The following DNAH14 variants were observed in gnomAD, a reference collection of about 807,000 sequenced individuals.
The protein encoded by DNAH14 is dynein axonemal heavy chain 14, also known as axonemal beta dynein heavy chain 14.
A neutral mutation model predicts 520.9 loss-of-function variants in DNAH14; 478 were observed. That is an observed-to-expected ratio of 0.92 (90% CI 0.85 to 0.99). The LOEUF (loss-of-function observed/expected upper bound fraction) is 0.99, where lower values mean the gene tolerates loss of function less well. Among genes scored for constraint, DNAH14 ranks in the 50% least tolerant of loss-of-function variants. The probability of loss-of-function intolerance (pLI) is 0.00; values close to 1 mark genes in which losing one functional copy is unlikely to be tolerated. For missense variants in DNAH14, 4,831 were observed against 5,234.5 expected (o/e 0.92, Z 2.38); for synonymous variants, 1,581 against 1,757.2 (o/e 0.90, Z 2.51).
chr1:225,354,393 T>G (rs1342668737), intron 73 of DNAH14: 1 of 630,054 alleles, frequency 1.6e-6, no homozygotes, highest in Admixed American at 2.4e-5. Context: ...AGCACCTCTA[T>G]TTCTCAATTG....
At chr1:225,043,276 GAA>G (rs10671374) in intron 13 of DNAH14, among the ~76,000 whole-genome samples, 162 bp downstream of exon 13, 4 of 98,166 alleles carry the variant, frequency 4.1e-5, no homozygotes, top group Non-Finnish European at 7.6e-5. Context: ...GTCTCTTGGG[GAA>G]AAAAAAAAAA....
chr1:225,234,945 G>A (rs1449378213), intron 42 of DNAH14, among the ~76,000 whole-genome samples: 3 of 152,096 alleles, frequency 2.0e-5, no homozygotes, highest in African/African-American at 7.2e-5. Flanking sequence ...AAGCTTTTGG[G>A]CTGAGATGAT....
At chr1:225,065,924 T>G (rs1390736848) in intron 17 of DNAH14, among the ~76,000 whole-genome samples, 1 of 152,106 alleles carries the variant, frequency 6.6e-6, no homozygotes, top group African/African-American at 2.4e-5. Context: ...TTTTAGTTTT[T>G]TGAGGAACCT....
chr1:225,028,489 C>T (rs984382004), intron 11 of DNAH14, among the ~76,000 whole-genome samples: 1 of 151,814 alleles, frequency 6.6e-6, no homozygotes, highest in Non-Finnish European at 1.5e-5. Context: ...TCTATCATTA[C>T]AGATTTTAGT....
intron 41 of DNAH14, among the ~76,000 whole-genome samples, chr1:225,215,343 G>A (rs2089146046): frequency 6.6e-6 from 1 of 152,116 alleles, no homozygotes; most frequent in Non-Finnish European, 1.5e-5. Flanking sequence ...GGTAAATTTT[G>A]GAATAAATGC....
intron 49 of DNAH14, among the ~76,000 whole-genome samples, chr1:225,267,994 G>A (rs2093180855): frequency 6.6e-6 from 1 of 152,068 alleles, no homozygotes; most frequent in South Asian, 2.1e-4. Flanking sequence ...ATAGGTCACA[G>A]TAGGTCTTTT....
At position 224,964,544 on chromosome 1, in the gene DNAH14, A is replaced by G. The variant is rs367728866; in HGVS notation, c.433A>G (p.Ile145Val). ...RLREKLGWQT[I>V]LPQHSLKYGS... ...ACGAGAAAAGCTTGGTTGGCAAACT[A>G]TATTACCGCAGCACAGTTTGAAATA... The change falls in exon 5 of 86, where the codon ATA (isoleucine) becomes GTA (valine). Residue 145 changes from isoleucine to valine, a missense_variant. Ile to Val is a conservative substitution (Grantham distance 29). Coordinates refer to ENST00000682510, the MANE Select transcript of DNAH14 (RefSeq NM_001367479.1). 2.5e-6 allele frequency: 4 copies of G among 1,610,618 alleles called. No homozygotes were observed. Among genetic ancestry groups the G allele is most frequent in the East Asian group, 2.2e-5 (1 of 44,710 alleles).
Position 225,335,099 on chromosome 1 carries a change from A to ATG in DNAH14, c.10080+1595_10080+1596dup, listed in dbSNP as rs556861846. Among the ~76,000 whole-genome samples the ATG allele has an allele frequency of 1.1e-3, 167 of 148,892 alleles. 1 individual carries two copies. Among genetic ancestry groups the ATG allele is most frequent in the African/African-American group, 4.1e-3 (165 of 40,662 alleles). Reference sequence around the variant, plus strand: ...CGTACATATGTACATATATACATATATGTATATATACATATATACATGTGT... The same window carrying ATG: ...CGTACATATGTACATATATACATATATGTGTATATATACATATATACATGTGT... On this transcript the variant is annotated intron_variant, in intron 66 of 85. Transcript: ENST00000682510.
rs752732306 is a variant in DNAH14 at position 225,078,859 on chromosome 1, CCTCTCTCTCTCT to C, written c.2425-320_2425-309del. On this transcript the variant is annotated intron_variant, in intron 17 of 85. Coordinates refer to ENST00000682510, the MANE Select transcript of DNAH14 (RefSeq NM_001367479.1). ...CTCTCTCTCCCTCTCTCTCTCTCTC[CCTCTCTCTCTCT>C]CTCTCTCTCTCTCTCTCTCTCTCTC... Among the ~76,000 whole-genome samples the C allele has an allele frequency of 4.9e-3, 93 of 18,996 alleles. 3 individuals are homozygous for C. Among genetic ancestry groups the C allele is most frequent in the African/African-American group, 0.013 (88 of 6,634 alleles). 12.5% of individuals were successfully genotyped at this position (18,996 alleles called of 152,430 possible).
intron 38 of DNAH14, among the ~76,000 whole-genome samples, chr1:225,202,825 A>G (rs1258742289): frequency 6.6e-6 from 1 of 152,148 alleles, no homozygotes; most frequent in Non-Finnish European, 1.5e-5. Flanking sequence ...CAAGGCAGAA[A>G]TGGCTTGCTA....
Position 225,231,064 on chromosome 1 carries a change from C to T in DNAH14, c.6440-9C>T. The T allele has an allele frequency of 1.8e-5, 27 of 1,540,170 alleles. No homozygotes were observed. Among genetic ancestry groups the T allele is most frequent in the Non-Finnish European group, 2.2e-5 (25 of 1,141,580 alleles). On this transcript the variant is annotated splice_polypyrimidine_tract_variant and intron_variant, in intron 41 of 85. Transcript: ENST00000682510. ...GTTAATTATGGAAAAATACTCTTTC[C>T]TTTTTAAGGTGATGATTTGAATGAC... is the stretch of plus-strand genomic sequence containing the variant.
At chr1:225,141,160 C>G (rs896995717) in intron 28 of DNAH14, 139 bp downstream of exon 28, 4 of 799,368 alleles carry the variant, frequency 5.0e-6, no homozygotes, top group Non-Finnish European at 7.5e-6. Context: ...CAAACTGTAC[C>G]AATCTGAGTA....
intron 11 of DNAH14, among the ~76,000 whole-genome samples, chr1:225,037,540 T>A (rs1471392949): frequency 6.6e-6 from 1 of 152,218 alleles, no homozygotes; most frequent in African/African-American, 2.4e-5. Flanking sequence ...ATCTCCTTGC[T>A]TCTTAACTTT....
chr1:225,035,124 T>C (rs1001905174), intron 11 of DNAH14, among the ~76,000 whole-genome samples: 1 of 152,144 alleles, frequency 6.6e-6, no homozygotes, highest in Non-Finnish European at 1.5e-5. Flanking sequence ...TCTTGTCTTC[T>C]GCTAGCTTAG....
At chr1:225,381,284 C>A (rs1405838168) in intron 80 of DNAH14, 99 bp from the exon 81 acceptor site, 2 of 1,207,354 alleles carry the variant, frequency 1.7e-6, no homozygotes, top group Non-Finnish European at 2.3e-6. Context: ...CTGGTCAAGA[C>A]ACACAAAATT....
intron 73 of DNAH14, among the ~76,000 whole-genome samples, chr1:225,356,982 A>G (rs1370125333): frequency 1.3e-5 from 2 of 152,176 alleles, no homozygotes; most frequent in South Asian, 2.1e-4. Flanking sequence ...ATATAGGAAA[A>G]CTAAGTTAGT....
chr1:225,072,291 C>G (rs1004079082), intron 17 of DNAH14, among the ~76,000 whole-genome samples: 1 of 152,158 alleles, frequency 6.6e-6, no homozygotes, highest in South Asian at 2.1e-4. Context: ...AGGCAGTCTT[C>G]AAGCTCTGAG....
chr1:225,089,507 T>G (rs2074174781), intron 21 of DNAH14, among the ~76,000 whole-genome samples: 1 of 145,586 alleles, frequency 6.9e-6, no homozygotes, highest in South Asian at 2.2e-4. Flanking sequence ...GAAAACAGAT[T>G]TAGAAAGGAG....
intron 8 of DNAH14, among the ~76,000 whole-genome samples, chr1:224,980,195 C>T (rs1174224109): frequency 1.3e-5 from 2 of 152,094 alleles, no homozygotes; most frequent in East Asian, 3.9e-4. Context: ...CTTGGTGTCC[C>T]CGATTCCAAG....
Sources: allele counts gnomAD v4.1 joint callset (sites outside exome capture counted in the v4.1 genomes callset), GRCh38; gene constraint gnomAD v4.1.1; transcripts MANE v1.5; gene names NCBI Gene and HGNC (gene_info 2026-07-23, HGNC 2026-07-21).